Variants in ERCC1 observed in about 807,000 individuals in gnomAD.
ERCC1 encodes the protein DNA excision repair protein ERCC-1.
In ERCC1, 36 loss-of-function variants were observed where a neutral mutation model predicts 37.6. That is an observed-to-expected ratio of 0.96 (90% CI 0.73 to 1.26). The LOEUF (loss-of-function observed/expected upper bound fraction) is 1.26. ERCC1 is among the 50% of genes most tolerant of loss of function. The pLI is 0.00. For missense variants in ERCC1, 349 were observed against 376.5 expected (o/e 0.93, Z 0.60); for synonymous variants, 156 against 162.1 (o/e 0.96, Z 0.28).
intron 1 of ERCC1, among the ~76,000 whole-genome samples, chr19:45,438,079 T>C (rs1269070098): frequency 6.6e-6 from 1 of 152,060 alleles, no homozygotes; most frequent in East Asian, 1.9e-4. Context: ...AGCTAAATTT[T>C]TTTTGTATTT....
At chr19:45,439,908 T>A (rs957923962) in intron 1 of ERCC1, among the ~76,000 whole-genome samples, 4 of 152,022 alleles carry the variant, frequency 2.6e-5, no homozygotes, top group Non-Finnish European at 5.9e-5. Context: ...CGGCGCCGCG[T>A]CCATTTTTAC....
intron 1 of ERCC1, among the ~76,000 whole-genome samples, chr19:45,448,630 T>C (rs1413710036): frequency 6.6e-6 from 1 of 152,022 alleles, no homozygotes; most frequent in Non-Finnish European, 1.5e-5. Context: ...GGAGGATCTC[T>C]TGAGCCCAGG....
intron 9 of ERCC1, among the ~76,000 whole-genome samples, chr19:45,412,652 T>C (rs1198067253): frequency 6.6e-6 from 1 of 152,210 alleles, no homozygotes; most frequent in Non-Finnish European, 1.5e-5. Flanking sequence ...CCTTGTCAGA[T>C]GGTTAGTTTG....
chr19:45,412,690 G>A (rs1257993961), intron 9 of ERCC1, among the ~76,000 whole-genome samples: 2 of 149,442 alleles, frequency 1.3e-5, no homozygotes, highest in African/African-American at 4.9e-5. Flanking sequence ...CCTGTGTGTT[G>A]TCTCTTCACT....
In ERCC1 at chr19:45,421,331, G is replaced by A. The variant is rs372298794; in HGVS notation, c.168C>T (p.Ala56=). 90 of 1,613,930 alleles carry A rather than the reference G, an allele frequency of 5.6e-5. No homozygotes were observed. The highest frequency in any genetic ancestry group is 7.0e-5 in the Non-Finnish European group (83 of 1,180,028). The change falls in exon 3 of 10, where the codon GCC becomes GCT. Residue 56 remains alanine, a synonymous_variant. Transcript: ENST00000300853. ...LPTVDTSAQA[A]PQTYAEYAIS... ...TGGCATATTCGGCGTAGGTCTGAGG[G>A]GCCGCCTGGGCCGAGGTGTCCACAG...
chr19:45,448,652 A>G (rs1197411357), intron 1 of ERCC1, among the ~76,000 whole-genome samples: 2 of 152,108 alleles, frequency 1.3e-5, no homozygotes, highest in Non-Finnish European at 2.9e-5. Context: ...GTTTGAGACC[A>G]GCCTGGACAG....
chr19:45,414,753 G>A lies in ERCC1; in HGVS notation c.702+108C>T, dbSNP rs1313436797. ...AGTTTCGGTGGGATGGGCCAGGAAA[G>A]ACGAGGCCCAGGGATGAATGGACAG... On this transcript the variant is annotated intron_variant, in intron 7 of 9. Transcript: ENST00000300853. The A allele has an allele frequency of 6.2e-6, 5 of 805,632 alleles. No individual in the cohort carries two copies. The East Asian group carries it at 1.0e-4, about 16-fold the overall frequency. 49.9% of individuals were successfully genotyped at this position (805,632 alleles called of 1,614,324 possible). A position where few individuals can be genotyped will look rare whatever the true frequency, so the allele number is the denominator to read the frequency against.
intron 9 of ERCC1, chr19:45,410,831 T>A (rs1973692852): frequency 6.6e-6 from 1 of 152,144 alleles, no homozygotes; most frequent in South Asian, 2.1e-4. Flanking sequence ...TTGTTTTGTT[T>A]TGTTTTGTTT....
At chr19:45,440,742 T>C (rs1475858892) in intron 1 of ERCC1, among the ~76,000 whole-genome samples, 3 of 152,080 alleles carry the variant, frequency 2.0e-5, no homozygotes, top group African/African-American at 4.8e-5. Context: ...GACAAGGCCT[T>C]GCTCTGTCGC....
intron 1 of ERCC1, 160 bp from the exon 2 acceptor site, chr19:45,423,541 C>G (rs1974572853): frequency 6.9e-7 from 1 of 1,445,952 alleles, no homozygotes; most frequent in African/African-American, 1.4e-5. Context: ...CGCCACGCCC[C>G]TTTGACCTCC....
At chr19:45,413,523 G>A (rs377462105) in intron 9 of ERCC1, 154 bp downstream of exon 9, 30 of 1,567,502 alleles carry the variant, frequency 1.9e-5, no homozygotes, top group African/African-American at 1.8e-4. Flanking sequence ...CAGTCCTCCC[G>A]CCTTGGCCTC....
Position 45,413,746 on chromosome 19 carries a change from C to A in ERCC1, c.775-1G>T. The A allele has an allele frequency of 1.2e-6, 2 of 1,613,390 alleles. No individual in the cohort carries two copies. The highest frequency in any genetic ancestry group is 1.7e-6 in the Non-Finnish European group (2 of 1,180,046). On this transcript the variant is annotated splice_acceptor_variant, in intron 8 of 9. Transcript: ENST00000300853. LOFTEE classifies it high-confidence loss of function. ...ATGCGGCGATGAGCTGTTCCAGAGA[C>A]TGAAAGGTGAAAGCGAGGGGTCAGG...
chr19:45,429,997 T>A (rs893397020), intron 1 of ERCC1, among the ~76,000 whole-genome samples: 3 of 152,186 alleles, frequency 2.0e-5, no homozygotes, highest in African/African-American at 7.2e-5. Context: ...TTGGCCAGGC[T>A]GGTTTCGAAC....
rs781739034 is a variant in ERCC1, at chr19:45,423,350, C to T, written c.25G>A (p.Gly9Arg). The part of the protein sequence containing the change: MDPGKDKE[G>R]VPQPSGPPAR... ...GGCGGCCCTGAGGGCTGGGGCACCCCCTCTTTGTCCTTCCCAGGGTCCATC... is the reference window on the plus strand; with the variant it reads ...GGCGGCCCTGAGGGCTGGGGCACCCTCTCTTTGTCCTTCCCAGGGTCCATC... Residue 9 changes from glycine to arginine, a missense_variant, in exon 2 of 10, where the codon GGG becomes AGG. Coordinates refer to ENST00000300853, the MANE Select transcript of ERCC1 (RefSeq NM_001983.4). 5.0e-6 allele frequency: 8 copies of T among 1,613,436 alleles called. No homozygotes were observed. The South Asian group carries it at 7.7e-5, about 16-fold the overall frequency.
In ERCC1 at chr19:45,420,456, C is replaced by G. The variant is rs781414833; in HGVS notation, c.322-29G>C. The G allele has an allele frequency of 7.0e-7, 1 of 1,438,272 alleles. No individual in the cohort carries two copies. The highest frequency in any genetic ancestry group is 9.8e-7 in the Non-Finnish European group (1 of 1,025,366). 89.1% of individuals were successfully genotyped at this position (1,438,272 alleles called of 1,614,324 possible). On this transcript the variant is annotated intron_variant, in intron 3 of 9. Coordinates refer to ENST00000300853, the MANE Select transcript of ERCC1 (RefSeq NM_001983.4). This position sits in a 1 kb window ranked among gnomAD's most constrained non-coding sequence, Gnocchi z 4.8. ...GGGAGGGACGAAGGGCAGAAGCCAT[C>G]AATAGGGATGACCCTTGATAACCAC... is the stretch of plus-strand genomic sequence containing the variant.
chr19:45,425,300 A>G (rs1378993450), upstream of ERCC1, among the ~76,000 whole-genome samples: 1 of 151,954 alleles, frequency 6.6e-6, no homozygotes, highest in Non-Finnish European at 1.5e-5. Flanking sequence ...CAGAGCTTAC[A>G]GTTCAGTGAG....
At position 45,413,761 on chromosome 19, in the gene ERCC1, G is replaced by C; in HGVS notation, c.775-16C>G. On this transcript the variant is annotated splice_polypyrimidine_tract_variant and intron_variant, in intron 8 of 9. Coordinates refer to ENST00000300853, the MANE Select transcript of ERCC1 (RefSeq NM_001983.4). ...GTTCCAGAGACTGAAAGGTGAAAGC[G>C]AGGGGTCAGGGCAGTTGAGCACAAA... is the stretch of plus-strand genomic sequence containing the variant. 6.2e-7 allele frequency: 1 copy of C among 1,612,546 alleles called. No homozygotes were observed. The highest frequency in any genetic ancestry group is 8.5e-7 in the Non-Finnish European group (1 of 1,180,020).
At chr19:45,409,860 A>T in intron 9 of ERCC1, 135 bp from the exon 10 acceptor site, 1 of 538,066 alleles carries the variant, frequency 1.9e-6, no homozygotes, top group Non-Finnish European at 3.4e-6. Flanking sequence ...CAAACAATCC[A>T]GTTACAATCT....
At chr19:45,415,764 A>G (rs777025233) in intron 6 of ERCC1, 27 of 455,546 alleles carry the variant, frequency 5.9e-5, no homozygotes, top group South Asian at 4.2e-4. Context: ...GCTACAGGCC[A>G]GCTCTTGGGA....
Sources: allele counts gnomAD v4.1 joint callset (sites outside exome capture counted in the v4.1 genomes callset), GRCh38; gene constraint gnomAD v4.1.1; non-coding constraint Gnocchi (gnomAD v3.1); transcripts MANE v1.5; gene names NCBI Gene and HGNC (gene_info 2026-07-23, HGNC 2026-07-21).